The following CDH23 variants were observed in gnomAD, a reference collection of about 807,000 sequenced individuals.
CDH23 encodes the protein cadherin-23.
CDH23 carries 189 observed loss-of-function variants against 317.1 expected under a neutral mutation model. That is an observed-to-expected ratio of 0.60 (90% CI 0.53 to 0.67). The LOEUF is 0.67. Among genes scored for constraint, CDH23 ranks in the 30% least tolerant of loss-of-function variants. CDH23 has a pLI of 0.00. For missense variants in CDH23, 4,401 were observed against 4,592.4 expected (o/e 0.96, Z 1.20); for synonymous variants, 1,839 against 1,876.8 (o/e 0.98, Z 0.52).
chr10:71,469,035 C>T (rs184020976), intron 3 of CDH23, among the ~76,000 whole-genome samples: 4 of 152,328 alleles, frequency 2.6e-5, no homozygotes, highest in East Asian at 1.9e-4. Flanking sequence ...ATGCCTCTTG[C>T]GTCCTAACAC....
chr10:71,595,132 G>A (rs1409362819), intron 9 of CDH23, among the ~76,000 whole-genome samples: 2 of 152,208 alleles, frequency 1.3e-5, no homozygotes, highest in African/African-American at 4.8e-5. Flanking sequence ...TTGCACAGCA[G>A]TGCCTGGCAT....
intron 1 of CDH23, among the ~76,000 whole-genome samples, chr10:71,436,584 C>G (rs1462654591): frequency 6.6e-6 from 1 of 152,204 alleles, no homozygotes; most frequent in African/African-American, 2.4e-5. Flanking sequence ...ATGTCCTCGT[C>G]TGTAAAATGG....
rs1249661051 is a variant in CDH23 at position 71,738,492 on chromosome 10, C to CCT, written c.4210-4_4210-3dup. ...GCTGTAGGTCTCTGACCACGTTCAC[C>CCT]CTCAGGTCTACATCACTGTGCTGGA... On this transcript the variant is annotated splice_polypyrimidine_tract_variant and splice_region_variant and intron_variant, in intron 34 of 69. Transcript: ENST00000224721. The CCT allele has an allele frequency of 2.5e-6, 4 of 1,613,960 alleles. No homozygotes were observed. Among genetic ancestry groups the CCT allele is most frequent in the Non-Finnish European group, 3.4e-6 (4 of 1,179,892 alleles).
At chr10:71,480,189 G>A (rs893324581) in intron 3 of CDH23, among the ~76,000 whole-genome samples, 4 of 152,246 alleles carry the variant, frequency 2.6e-5, no homozygotes, top group Non-Finnish European at 4.4e-5. Flanking sequence ...TGAAGTGCCA[G>A]GGGACTGGAA....
chr10:71,461,899 T>A (rs905154379), intron 3 of CDH23, among the ~76,000 whole-genome samples: 3 of 107,740 alleles, frequency 2.8e-5, no homozygotes, highest in African/African-American at 8.8e-5. Context: ...AATTCTTCAG[T>A]AATGTTGCTG....
At position 71,779,976 on chromosome 10, in the gene CDH23, C is replaced by T. The variant is rs148690500; in HGVS notation, c.5368+529C>T. Among the ~76,000 whole-genome samples the T allele has an allele frequency of 1.2e-3, 184 of 152,340 alleles. No individual in the cohort carries two copies. The South Asian group carries it at 0.016, about 13-fold the overall frequency. ...AGAGTGGGAATCCCAGATCCAAAGG[C>T]GCCAGCTAGGGTCAGGCAAGGAGCC... On this transcript the variant is annotated intron_variant, in intron 41 of 69. Transcript: ENST00000224721.
intron 11 of CDH23, among the ~76,000 whole-genome samples, chr10:71,642,205 C>T (rs902653806): frequency 2.0e-5 from 3 of 152,052 alleles, no homozygotes; most frequent in Non-Finnish European, 2.9e-5. Flanking sequence ...GGCCCTGGAG[C>T]GCTCAGATGG....
At chr10:71,441,237 C>A (rs1589311606) in intron 2 of CDH23, among the ~76,000 whole-genome samples, 1 of 152,044 alleles carries the variant, frequency 6.6e-6, no homozygotes, top group African/African-American at 2.4e-5. Context: ...GATATCACCC[C>A]CCTCACCCCG....
chr10:71,670,585 A>T (rs1864103858), intron 14 of CDH23, among the ~76,000 whole-genome samples: 1 of 152,140 alleles, frequency 6.6e-6, no homozygotes, highest in Non-Finnish European at 1.5e-5. Context: ...GAAGGCAGTT[A>T]CAGAAGGAAA....
chr10:71,734,994 C>T (rs1451306569), intron 34 of CDH23, among the ~76,000 whole-genome samples: 1 of 152,270 alleles, frequency 6.6e-6, no homozygotes, highest in Non-Finnish European at 1.5e-5. Context: ...TGCTTAACGT[C>T]TCTGTGCTTC....
intron 21 of CDH23, among the ~76,000 whole-genome samples, chr10:71,694,655 G>C (rs1298379219): frequency 2.0e-5 from 3 of 152,222 alleles, no homozygotes; most frequent in East Asian, 3.9e-4. Context: ...GGGTCCCTGG[G>C]GGCTTGTTCT....
At position 71,815,313 on chromosome 10, in the gene CDH23, C is replaced by A; in HGVS notation, c.*35C>A. 1 of 1,507,988 alleles carries A rather than the reference C, an allele frequency of 6.6e-7. No individual in the cohort carries two copies. Among genetic ancestry groups the A allele is most frequent in the Non-Finnish European group, 8.9e-7 (1 of 1,121,874 alleles). The allele number at this position is 1,507,988 out of a possible 1,614,324, so 93.4% of individuals were successfully genotyped here. A position where few individuals can be genotyped will look rare whatever the true frequency, so the allele number is the denominator to read the frequency against. The stretch of plus-strand genomic sequence containing the variant: ...GAAGCCTTGTGGGTGTGAGCAGCAC[C>A]CATCCACCGTCCCCTCCCAGGGAGC... On this transcript the variant is annotated 3_prime_UTR_variant, in exon 70 of 70. Coordinates refer to ENST00000224721, the MANE Select transcript of CDH23 (RefSeq NM_022124.6).
intron 38 of CDH23, among the ~76,000 whole-genome samples, chr10:71,759,182 C>T (rs1327612074): frequency 6.6e-6 from 1 of 151,894 alleles, no homozygotes; most frequent in Non-Finnish European, 1.5e-5. Context: ...GGACTACAGG[C>T]GTGCACCACC....
At chr10:71,564,286 C>A (rs1276585708) in intron 6 of CDH23, among the ~76,000 whole-genome samples, 1 of 152,186 alleles carries the variant, frequency 6.6e-6, no homozygotes, top group Non-Finnish European at 1.5e-5. Context: ...GATGAGCGCC[C>A]CTCCTTCCCC....
chr10:71,806,072 C>A, intron 56 of CDH23, 75 bp downstream of exon 56: 1 of 1,534,630 alleles, frequency 6.5e-7, no homozygotes, highest in Middle Eastern at 2.1e-4. Context: ...TGCACCTCGC[C>A]TCCTGGAAAG....
intron 16 of CDH23, among the ~76,000 whole-genome samples, 176 bp from the exon 17 acceptor site, chr10:71,679,211 G>A (rs994105011): frequency 1.3e-5 from 2 of 152,196 alleles, no homozygotes; most frequent in Admixed American, 1.3e-4. Context: ...GCGGCCTCCA[G>A]TTGAAGCACA....
chr10:71,774,044 C>T (rs1013694556), intron 38 of CDH23, among the ~76,000 whole-genome samples: 5 of 49,390 alleles, frequency 1.0e-4, no homozygotes, highest in African/African-American at 2.0e-4. Context: ...TGAGTGCATG[C>T]GCGCGCGCAC....
intron 6 of CDH23, among the ~76,000 whole-genome samples, chr10:71,542,201 C>T (rs1856023713): frequency 6.6e-6 from 1 of 152,174 alleles, no homozygotes; most frequent in Non-Finnish European, 1.5e-5. Flanking sequence ...AGAAAGGTGG[C>T]GTAGCTTAGT....
intron 14 of CDH23, among the ~76,000 whole-genome samples, chr10:71,649,395 C>G (rs896397037): frequency 3.9e-5 from 6 of 152,336 alleles, no homozygotes; most frequent in African/African-American, 1.2e-4. Flanking sequence ...GCAATGAAGG[C>G]AGGAGCCGAG....
Sources: allele counts gnomAD v4.1 joint callset (sites outside exome capture counted in the v4.1 genomes callset), GRCh38; gene constraint gnomAD v4.1.1; transcripts MANE v1.5; gene names NCBI Gene and HGNC (gene_info 2026-07-23, HGNC 2026-07-21).